The following DACT2 variants were observed in gnomAD, a reference collection of about 807,000 sequenced individuals.
The protein encoded by DACT2 is dishevelled binding antagonist of beta catenin 2.
DACT2 carries 20 observed loss-of-function variants against 22.2 expected under a neutral mutation model. The observed-to-expected ratio is 0.90, with a 90% CI of 0.63 to 1.31. The LOEUF is 1.31. DACT2 is among the 50% of genes most tolerant of loss of function. The pLI is 0.00. For synonymous variants in DACT2, 463 were observed against 479.8 expected (o/e 0.96, Z 0.46); for missense variants, 1,048 against 1,061.4 (o/e 0.99, Z 0.18).
Position 168,317,941 on chromosome 6 carries a change from TGC to T in DACT2, c.246+1445_246+1446del, listed in dbSNP as rs1427221314. 1.0e-4 allele frequency among the ~76,000 whole-genome samples: 9 copies of T among 87,098 alleles called. No individual in the cohort carries two copies. The South Asian group carries it at 1.3e-3, about 13-fold the overall frequency. The allele number at this position is 87,098 out of a possible 152,430, so 57.1% of individuals were successfully genotyped here. On this transcript the variant is annotated intron_variant, in intron 1 of 3. Transcript: ENST00000366795. ...ACGCAGAAGCTGCGATTGTGTCTGG[TGC>T]AAACACACAACAGCATCTCGGCAGC...
chr6:168,294,248 C>A, intron 4 of DACT2: 1 of 702,902 alleles, frequency 1.4e-6, no homozygotes, highest in South Asian at 1.5e-5. Flanking sequence ...GTGCCAGGAG[C>A]TCTGTCACAT....
chr6:168,301,084 G>C (rs1779095668), intron 3 of DACT2, among the ~76,000 whole-genome samples: 1 of 152,242 alleles, frequency 6.6e-6, no homozygotes, highest in African/African-American at 2.4e-5. Context: ...CGCCATGGAA[G>C]AGTCTCCGGT....
At position 168,308,352 on chromosome 6, in the gene DACT2, T is replaced by C; in HGVS notation, c.1405A>G (p.Lys469Glu). ...TGCCCAGAGGCCGGTGAGGGGCTCT[T>C]GTCCAGCATCCTGGATGGGGATATG... ...NIISPSRMLD[K>E]SPSPASGHFA... Residue 469 changes from lysine (K) to glutamate (E), a missense_variant, in exon 4 of 4, where the codon AAG becomes GAG. Transcript: ENST00000366795. The C allele has an allele frequency of 1.9e-6, 3 of 1,551,958 alleles. No homozygotes were observed. Among genetic ancestry groups the C allele is most frequent in the Admixed American group, 3.9e-5 (2 of 51,012 alleles).
chr6:168,308,085 C>T lies in DACT2; in HGVS notation c.1672G>A (p.Gly558Arg), dbSNP rs1334983433. ...AGGGTGGACTCAGAACAGGAGCGCC[C>T]GGGTGCCTCCCAGGCCAGGGCTGGC... ...RRPALAWEAP[G>R]RSCSESTLYP... Residue 558 changes from glycine (G) to arginine (R), a missense_variant, in exon 4 of 4, where the codon GGG (glycine) becomes AGG (arginine). Gly to Arg is a moderately radical substitution (Grantham distance 125, BLOSUM62 -2). Transcript: ENST00000366795. 1.3e-5 allele frequency: 20 copies of T among 1,544,374 alleles called. No homozygotes were observed. Among genetic ancestry groups the T allele is most frequent in the South Asian group, 3.6e-5 (3 of 83,340 alleles).
At chr6:168,304,631 C>G (rs183109564), downstream of DACT2, among the ~76,000 whole-genome samples, 1 of 152,214 alleles carries the variant, frequency 6.6e-6, no homozygotes, top group African/African-American at 2.4e-5. Context: ...TAACCTGGGC[C>G]GACTCACCCC....
downstream of DACT2, among the ~76,000 whole-genome samples, chr6:168,303,162 T>C (rs1171435110): frequency 6.6e-6 from 1 of 152,198 alleles, no homozygotes; most frequent in African/African-American, 2.4e-5. Flanking sequence ...CCATTCCAGA[T>C]GCGCTCCCGT....
In DACT2 at chr6:168,307,154, GA is replaced by G. The variant is rs1779227798; in HGVS notation, c.*277del. Reference sequence around the variant, plus strand: ...AACATGGAAACAAGGTGCATGCCGGGAAGCAGCATCCTGGGCAGACCTTGAA... The same window carrying G: ...AACATGGAAACAAGGTGCATGCCGGGAGCAGCATCCTGGGCAGACCTTGAA... On this transcript the variant is annotated 3_prime_UTR_variant, in exon 4 of 4. Coordinates refer to ENST00000366795, the MANE Select transcript of DACT2 (RefSeq NM_214462.5). This position sits in a 1 kb window ranked among gnomAD's most constrained non-coding sequence, Gnocchi z 5.3. 14 of 1,263,702 alleles carry G rather than the reference GA, an allele frequency of 1.1e-5. No individual in the cohort carries two copies. The highest frequency in any genetic ancestry group is 1.4e-5 in the Non-Finnish European group (14 of 1,002,934). The allele number at this position is 1,263,702 out of a possible 1,614,324, so 78.3% of individuals were successfully genotyped here.
Position 168,307,333 on chromosome 6 carries a change from C to T in DACT2, c.*99G>A, listed in dbSNP as rs1336547635. On this transcript the variant is annotated 3_prime_UTR_variant, in exon 4 of 4. Transcript: ENST00000366795. The surrounding 1 kb of genome is among the most constrained non-coding windows in gnomAD (Gnocchi z 5.3). ...TAAACGGTGGCCTCGGAAGATAAAG[C>T]GACTTGGCAAGACGACACTGAAACC... 1.2e-5 allele frequency: 18 copies of T among 1,493,598 alleles called. No individual in the cohort carries two copies. In the Middle Eastern group the frequency reaches 5.6e-4, roughly 46 times the overall value. The allele number at this position is 1,493,598 out of a possible 1,614,324, so 92.5% of individuals were successfully genotyped here.
chr6:168,306,824 G>A (rs1052481075), downstream of DACT2: 8 of 938,078 alleles, frequency 8.5e-6, no homozygotes, highest in Non-Finnish European at 1.0e-5. Context: ...GCCCAAAGCT[G>A]GCACGTGCCC....
intron 3 of DACT2, chr6:168,298,778 G>T (rs1779050472): frequency 6.6e-6 from 1 of 152,204 alleles, no homozygotes; most frequent in African/African-American, 2.4e-5. Context: ...GAAATAAGAA[G>T]CCTGAGGTTA....
Position 168,307,265 on chromosome 6 carries a change from G to A in DACT2, c.*167C>T, listed in dbSNP as rs919131785. 1.4e-5 allele frequency: 19 copies of A among 1,403,782 alleles called. No individual in the cohort carries two copies. The highest frequency in any genetic ancestry group is 2.6e-4 in the Middle Eastern group (1 of 3,820). The allele number at this position is 1,403,782 out of a possible 1,614,324, so 87.0% of individuals were successfully genotyped here. On this transcript the variant is annotated 3_prime_UTR_variant, in exon 4 of 4. Coordinates refer to ENST00000366795, the MANE Select transcript of DACT2 (RefSeq NM_214462.5). This position sits in a 1 kb window ranked among gnomAD's most constrained non-coding sequence, Gnocchi z 5.3. ...AGTCTTTGCTGGGGCGGGGACTCAC[G>A]GCCATACTCCACAGGGCAGAACCCA... is the stretch of plus-strand genomic sequence containing the variant.
At chr6:168,306,202 GC>G (rs1319691512), downstream of DACT2, among the ~76,000 whole-genome samples, 1 of 152,184 alleles carries the variant, frequency 6.6e-6, no homozygotes, top group Non-Finnish European at 1.5e-5. Context: ...CACTGCATCA[GC>G]CCTGAGGGGC....
At chr6:168,296,338 A>T (rs1050717006) in intron 3 of DACT2, among the ~76,000 whole-genome samples, 1 of 150,766 alleles carries the variant, frequency 6.6e-6, no homozygotes, top group Non-Finnish European at 1.5e-5. Flanking sequence ...GAAGATGCTC[A>T]TGGAGGACAG....
chr6:168,311,266 C>T lies in DACT2; in HGVS notation c.265G>A (p.Asp89Asn). 6.5e-7 allele frequency: 1 copy of T among 1,548,666 alleles called. No homozygotes were observed. Among genetic ancestry groups the T allele is most frequent in the Non-Finnish European group, 8.7e-7 (1 of 1,144,324 alleles). ...QEQLSRLRQQ[D>N]IGLKTHLDQL... ...TCCAGGTGGGTCTTCAGGCCGATGT[C>T]CTGTTGTCTCAGCCGGGACTGAGAA... Residue 89 changes from aspartate (D) to asparagine (N), a missense_variant, in exon 2 of 4, where the codon GAC (aspartate) becomes AAC (asparagine). Transcript: ENST00000366795.
chr6:168,319,739 G>GC lies in DACT2; in HGVS notation c.-107dup. 8.5e-7 allele frequency: 1 copy of GC among 1,179,248 alleles called. No individual in the cohort carries two copies. Among genetic ancestry groups the GC allele is most frequent in the Non-Finnish European group, 1.0e-6 (1 of 953,978 alleles). 73.0% of individuals were successfully genotyped at this position (1,179,248 alleles called of 1,614,324 possible). A position where few individuals can be genotyped will look rare whatever the true frequency, so the allele number is the denominator to read the frequency against. ...GGGTCCTCCTGCGCCTCCTCTCTCCGCCCCCGGCTCCGCAGGTCGCCAAGG... is the reference window on the plus strand; with the variant it reads ...GGGTCCTCCTGCGCCTCCTCTCTCCGCCCCCCGGCTCCGCAGGTCGCCAAGG... On this transcript the variant is annotated 5_prime_UTR_variant, in exon 1 of 4. Transcript: ENST00000366795.
intron 1 of DACT2, among the ~76,000 whole-genome samples, chr6:168,318,758 G>C (rs1166572163): frequency 6.6e-6 from 1 of 152,086 alleles, no homozygotes; most frequent in Non-Finnish European, 1.5e-5. Flanking sequence ...GGAAATCAGA[G>C]TCTCTCTCCT....
In DACT2 at chr6:168,311,279, C is replaced by T. The variant is rs969881249; in HGVS notation, c.252G>A (p.Arg84=). ...ALAALQEQLS[R]LRQQDIGLKT... ...TCAGGCCGATGTCCTGTTGTCTCAG[C>T]CGGGACTGAGAAGGGAAAGAAGAGA... Residue 84 remains arginine, a synonymous_variant, in exon 2 of 4, where the codon CGG becomes CGA. Coordinates refer to ENST00000366795, the MANE Select transcript of DACT2 (RefSeq NM_214462.5). 2.6e-6 allele frequency: 4 copies of T among 1,544,566 alleles called. No individual in the cohort carries two copies. The highest frequency in any genetic ancestry group is 3.5e-6 in the Non-Finnish European group (4 of 1,141,020).
chr6:168,312,984 C>T (rs2114915971), intron 1 of DACT2, among the ~76,000 whole-genome samples: 1 of 152,352 alleles, frequency 6.6e-6, no homozygotes, highest in East Asian at 1.9e-4. Context: ...AGACCTCCTC[C>T]TCCAGGACCC....
chr6:168,294,647 G>C lies in DACT2; in HGVS notation c.716C>G (p.Ser239Cys), dbSNP rs1402717899. The C allele has an allele frequency of 4.1e-6, 6 of 1,475,222 alleles. 1 individual carries two copies. The East Asian group carries it at 1.6e-4, about 40-fold the overall frequency. 91.4% of individuals were successfully genotyped at this position (1,475,222 alleles called of 1,614,324 possible). ...TCCTTCCCTACCTGTCAGTGAACTG[G>C]AGGTGCAGCCTGCAGGCGGAGCATG... is the stretch of plus-strand genomic sequence containing the variant. The change falls in exon 4 of 6, where the codon TCC becomes TGC. Residue 239 changes from serine to cysteine, a missense_variant. Coordinates refer to the DACT2 transcript ENST00000366796.
Sources: gnomAD v4.1 joint callset for allele counts (sites outside exome capture counted in the v4.1 genomes callset) on GRCh38, gnomAD v4.1.1 for gene constraint, Gnocchi (gnomAD v3.1) non-coding constraint, MANE v1.5 for transcripts, NCBI Gene and HGNC (gene_info 2026-07-23, HGNC 2026-07-21) for gene names.